Variants in ARID1B observed in about 807,000 individuals in gnomAD.
ARID1B encodes the protein AT-rich interaction domain 1B.
A neutral mutation model predicts 212.3 loss-of-function variants in ARID1B; 30 were observed. The observed-to-expected ratio is 0.14, with a 90% CI of 0.11 to 0.19. The LOEUF is 0.19. Ranked by LOEUF, ARID1B falls within the 10% of genes least tolerant of loss-of-function variation. ARID1B has a pLI of 1.00. For missense variants in ARID1B, 2,891 were observed against 3,204.0 expected (o/e 0.90, Z 2.36); for synonymous variants, 1,402 against 1,301.7 (o/e 1.08, Z -1.66).
In ARID1B at chr6:157,198,846, G is replaced by A. The variant is rs1793919837; in HGVS notation, c.4418G>A (p.Gly1473Asp). The change falls in exon 17 of 20, where the codon GGC (glycine) becomes GAC (aspartate). Residue 1473 changes from glycine (G) to aspartate (D), a missense_variant. Around this residue, in one of 7 missense-constraint regions of ARID1B, gnomAD observed 666 missense variants for 873.5 expected, o/e 0.76. Coordinates refer to ENST00000636930, the MANE Select transcript of ARID1B (RefSeq NM_001374828.1). Reference sequence around the variant, plus strand: ...TATGGGCAGCAGTATCCAGGCCAAGGCCCTCCCTCGGGACAGCCGCCGTAT... The same window carrying A: ...TATGGGCAGCAGTATCCAGGCCAAGACCCTCCCTCGGGACAGCCGCCGTAT... ...EPYGQQYPGQ[G>D]PPSGQPPYGG... 3.1e-6 allele frequency: 5 copies of A among 1,611,696 alleles called. No individual in the cohort carries two copies. In the South Asian group the frequency reaches 4.4e-5, roughly 14 times the overall value.
chr6:157,207,493 T>G lies in ARID1B; in HGVS notation c.6721T>G (p.Tyr2241Asp). Reference sequence around the variant, plus strand: ...GAAATTCTATGCTACATTAGTTAGGTACGTTGGGGATCGCAAAAACCCAGT... The same window carrying G: ...GAAATTCTATGCTACATTAGTTAGGGACGTTGGGGATCGCAAAAACCCAGT... ...QEKFYATLVR[Y>D]VGDRKNPVCR... The change falls in exon 20 of 20, where the codon TAC becomes GAC. Residue 2241 changes from tyrosine (Y) to aspartate (D), a missense_variant. Around this residue, in one of 7 missense-constraint regions of ARID1B, gnomAD observed 187 missense variants for 306.5 expected, o/e 0.61. Coordinates refer to ENST00000636930, the MANE Select transcript of ARID1B (RefSeq NM_001374828.1). The surrounding 1 kb of genome is among the most constrained non-coding windows in gnomAD (Gnocchi z 8.5). 6.2e-7 allele frequency: 1 copy of G among 1,614,124 alleles called. No individual in the cohort carries two copies. Among genetic ancestry groups the G allele is most frequent in the Non-Finnish European group, 8.5e-7 (1 of 1,180,028 alleles).
chr6:157,057,578 C>T (rs1783048493), intron 4 of ARID1B, among the ~76,000 whole-genome samples: 2 of 152,148 alleles, frequency 1.3e-5, no homozygotes, highest in African/African-American at 4.8e-5. Flanking sequence ...TGTGAGCCAC[C>T]ATGCTTGGCA....
rs777337959 is a variant in ARID1B, at chr6:157,184,226, A to G, written c.3715-5A>G. 7 of 1,598,094 alleles carry G rather than the reference A, an allele frequency of 4.4e-6. No homozygotes were observed. In the South Asian group the frequency reaches 6.7e-5, roughly 15 times the overall value. On this transcript the variant is annotated splice_polypyrimidine_tract_variant and splice_region_variant and intron_variant, in intron 12 of 19. Transcript: ENST00000636930. ...AACCAATGATCCTGCCGTGTTTTTC[A>G]CTAGGTTAATAAAAACAAGAAGTGG... is the stretch of plus-strand genomic sequence containing the variant.
At chr6:157,133,628 G>A (rs1186364021) in intron 7 of ARID1B, among the ~76,000 whole-genome samples, 2 of 152,200 alleles carry the variant, frequency 1.3e-5, no homozygotes, top group Non-Finnish European at 2.9e-5. Flanking sequence ...TGACGGCTCA[G>A]GACGGCATTG....
chr6:156,843,604 G>A (rs1354747798), intron 2 of ARID1B, among the ~76,000 whole-genome samples: 2 of 152,122 alleles, frequency 1.3e-5, no homozygotes, highest in Admixed American at 1.3e-4. Flanking sequence ...TGTAGGGGGG[G>A]TGTTAGGCTG....
Position 157,201,606 on chromosome 6 carries a change from T to C in ARID1B, c.5263+118T>C. 8.3e-7 allele frequency: 1 copy of C among 1,200,192 alleles called. No individual in the cohort carries two copies. Among genetic ancestry groups the C allele is most frequent in the Non-Finnish European group, 1.1e-6 (1 of 890,398 alleles). The allele number at this position is 1,200,192 out of a possible 1,614,324, so 74.3% of individuals were successfully genotyped here. ...GGGATGAAAAAATTATGACTAGAAG[T>C]TATCAAGATGCGTTTTTATATAGGA... On this transcript the variant is annotated intron_variant, in intron 18 of 19. Transcript: ENST00000636930. The surrounding 1 kb of genome is among the most constrained non-coding windows in gnomAD (Gnocchi z 5.2).
At chr6:157,167,214 C>G (rs376024700) in intron 9 of ARID1B, 29 bp downstream of exon 9, 1 of 1,594,010 alleles carries the variant, frequency 6.3e-7, no homozygotes, top group Admixed American at 1.7e-5. Context: ...CGCTCCTGAG[C>G]CCCTCTCTCT....
chr6:156,986,968 C>T (rs1777958547), intron 4 of ARID1B, among the ~76,000 whole-genome samples: 2 of 152,084 alleles, frequency 1.3e-5, no homozygotes, highest in African/African-American at 4.8e-5. Flanking sequence ...CGCTTAAGCC[C>T]AGGAGTTTGA....
At position 157,208,329 on chromosome 6, in the gene ARID1B, G is replaced by A. The variant is rs1277955860; in HGVS notation, c.*438G>A. Reference sequence around the variant, plus strand: ...GTGAAAAATTATCCATTTCCTATGCGTTTTACTCCTCAGAGAATGAAAAAA... The same window carrying A: ...GTGAAAAATTATCCATTTCCTATGCATTTTACTCCTCAGAGAATGAAAAAA... On this transcript the variant is annotated 3_prime_UTR_variant, in exon 20 of 20. Coordinates refer to ENST00000636930, the MANE Select transcript of ARID1B (RefSeq NM_001374828.1). 4 of 233,898 alleles carry A rather than the reference G, an allele frequency of 1.7e-5. No individual in the cohort carries two copies. The highest frequency in any genetic ancestry group is 1.1e-4 in the Admixed American group (2 of 17,764). The allele number at this position is 233,898 out of a possible 1,614,324, so 14.5% of individuals were successfully genotyped here. A position where few individuals can be genotyped will look rare whatever the true frequency, so the allele number is the denominator to read the frequency against.
At chr6:156,839,904 G>A (rs1159264500) in intron 2 of ARID1B, among the ~76,000 whole-genome samples, 1 of 152,250 alleles carries the variant, frequency 6.6e-6, no homozygotes, top group Admixed American at 6.5e-5. Flanking sequence ...ACTCTGCTAT[G>A]ATCTAACAAA....
At chr6:156,910,156 A>T (rs1256052906) in intron 3 of ARID1B, among the ~76,000 whole-genome samples, 2 of 152,328 alleles carry the variant, frequency 1.3e-5, no homozygotes, top group East Asian at 3.9e-4. Flanking sequence ...CAGTGAAGTT[A>T]AGATTAATTA....
intron 1 of ARID1B, among the ~76,000 whole-genome samples, chr6:156,810,899 C>T (rs1037941974): frequency 5.3e-5 from 8 of 152,166 alleles, no homozygotes; most frequent in African/African-American, 1.9e-4. Flanking sequence ...CTTAAAAGAA[C>T]ACACATCGAT....
chr6:157,077,686 A>G lies in ARID1B; in HGVS notation c.2248-6976A>G, dbSNP rs149111400. Among the ~76,000 whole-genome samples the G allele has an allele frequency of 1.6e-4, 24 of 152,212 alleles. 1 individual carries two copies. Among genetic ancestry groups the G allele is most frequent in the South Asian group, 1.0e-3 (5 of 4,814 alleles). On this transcript the variant is annotated intron_variant, in intron 4 of 19. Transcript: ENST00000636930. ...CTTAGCACTTACTAATTCACCCTCC[A>G]TCATAGAATTTTCTGCACTTCATTG...
chr6:157,123,399 G>A (rs986995918), intron 6 of ARID1B, among the ~76,000 whole-genome samples: 9 of 152,084 alleles, frequency 5.9e-5, no homozygotes, highest in East Asian at 1.9e-4. Context: ...TAACATGGTC[G>A]GCCAATTATT....
intron 5 of ARID1B, among the ~76,000 whole-genome samples, chr6:157,105,519 A>T (rs916111171): frequency 1.3e-5 from 2 of 152,236 alleles, no homozygotes; most frequent in Non-Finnish European, 1.5e-5. Context: ...TGAACAAACA[A>T]TTCACAAGGA....
chr6:156,843,597 AG>A (rs931160482), intron 2 of ARID1B, among the ~76,000 whole-genome samples: 1 of 152,110 alleles, frequency 6.6e-6, no homozygotes, highest in Non-Finnish European at 1.5e-5. Context: ...ACAGGAATGT[AG>A]GGGGGGTGTT....
chr6:156,976,661 T>A (rs1476830846), intron 4 of ARID1B, among the ~76,000 whole-genome samples: 1 of 152,160 alleles, frequency 6.6e-6, no homozygotes, highest in Non-Finnish European at 1.5e-5. Flanking sequence ...GTGGAAGCTT[T>A]CCTTTCACTT....
chr6:157,109,219 C>G (rs1006561172), intron 5 of ARID1B, among the ~76,000 whole-genome samples: 3 of 152,050 alleles, frequency 2.0e-5, no homozygotes, highest in Non-Finnish European at 4.4e-5. Flanking sequence ...AAATACCAGG[C>G]TTTGTGCTGA....
intron 4 of ARID1B, among the ~76,000 whole-genome samples, chr6:157,056,960 G>A (rs1782999648): frequency 6.6e-6 from 1 of 151,322 alleles, no homozygotes; most frequent in Non-Finnish European, 1.5e-5. Flanking sequence ...AGGTAAGCAT[G>A]CGTCATGGGA....
Sources: gnomAD v4.1 joint callset for allele counts (sites outside exome capture counted in the v4.1 genomes callset) on GRCh38, gnomAD v4.1.1 for gene constraint, gnomAD v4.1.1 regional missense constraint, Gnocchi (gnomAD v3.1) non-coding constraint, MANE v1.5 for transcripts, NCBI Gene and HGNC (gene_info 2026-07-23, HGNC 2026-07-21) for gene names.